The following DLG2 variants were observed in gnomAD, a reference collection of about 807,000 sequenced individuals.
DLG2 encodes the protein disks large homolog 2.
Under a neutral mutation model 132.5 loss-of-function variants are expected in DLG2, and 45 were observed. The observed-to-expected ratio is 0.34, with a 90% confidence interval of 0.27 to 0.44. The LOEUF is 0.44. Among genes scored for constraint, DLG2 ranks in the 20% least tolerant of loss-of-function variants. DLG2 has a pLI of 1.00. For missense variants in DLG2, 1,045 were observed against 1,196.9 expected (o/e 0.87, Z 1.87); for synonymous variants, 424 against 419.6 (o/e 1.01, Z -0.13).
At chr11:84,529,763 T>C (rs2099330743) in intron 7 of DLG2, among the ~76,000 whole-genome samples, 1 of 152,136 alleles carries the variant, frequency 6.6e-6, no homozygotes, top group Non-Finnish European at 1.5e-5. Flanking sequence ...AAACTGCCAA[T>C]GACATTCTTC....
At chr11:84,212,954 G>C (rs978528298) in intron 8 of DLG2, among the ~76,000 whole-genome samples, 1 of 152,160 alleles carries the variant, frequency 6.6e-6, no homozygotes, top group Non-Finnish European at 1.5e-5. Flanking sequence ...CGCGGCGCCC[G>C]GCCTTACTTT....
chr11:84,672,862 G>T (rs888968717), intron 6 of DLG2, among the ~76,000 whole-genome samples: 20 of 152,078 alleles, frequency 1.3e-4, no homozygotes, highest in African/African-American at 4.8e-4. Flanking sequence ...GGGTTCCACA[G>T]GCTATGCAGG....
chr11:85,190,386 G>A (rs184680463), intron 4 of DLG2, among the ~76,000 whole-genome samples: 1 of 151,880 alleles, frequency 6.6e-6, no homozygotes, highest in Non-Finnish European at 1.5e-5. Flanking sequence ...GTTTACAGCA[G>A]TGAACACCTA....
Position 84,353,859 on chromosome 11 carries a change from A to G in DLG2, c.520-102568T>C, listed in dbSNP as rs1009409136. ...TATTTTACCTAACCAACTTCTACTA[A>G]TCATTAACATTCTCACTCAGGTTTA... On this transcript the variant is annotated intron_variant, in intron 7 of 27. Coordinates refer to ENST00000376104, the MANE Select transcript of DLG2 (RefSeq NM_001142699.3). Among the ~76,000 whole-genome samples the G allele has an allele frequency of 6.6e-5, 10 of 152,086 alleles. No individual in the cohort carries two copies. In the East Asian group the frequency reaches 1.9e-3, roughly 29 times the overall value.
intron 15 of DLG2, among the ~76,000 whole-genome samples, chr11:83,913,969 T>C (rs2076493254): frequency 6.6e-6 from 1 of 152,190 alleles, no homozygotes; most frequent in Non-Finnish European, 1.5e-5. Flanking sequence ...ATACTTCAGA[T>C]GAGCAGTGAT....
At chr11:83,494,233 A>G (rs1327624766) in intron 21 of DLG2, among the ~76,000 whole-genome samples, 1 of 151,818 alleles carries the variant, frequency 6.6e-6, no homozygotes, top group Non-Finnish European at 1.5e-5. Context: ...CTAATTATTT[A>G]TAGACTAACC....
At chr11:85,286,391 T>A (rs2078560261) in intron 3 of DLG2, among the ~76,000 whole-genome samples, 1 of 152,060 alleles carries the variant, frequency 6.6e-6, no homozygotes, top group Non-Finnish European at 1.5e-5. Context: ...TGAATACATA[T>A]AAGAATATTT....
intron 19 of DLG2, among the ~76,000 whole-genome samples, chr11:83,589,293 C>T (rs10898143): frequency 0.44 from 65,003 of 147,604 alleles, 14,619 homozygotes; most frequent in Admixed American, 0.55. Flanking sequence ...GCAGATCTCT[C>T]GGCAGAAACC....
At chr11:83,770,001 C>A (rs1232242228) in intron 18 of DLG2, among the ~76,000 whole-genome samples, 2 of 152,162 alleles carry the variant, frequency 1.3e-5, no homozygotes, top group African/African-American at 4.8e-5. Context: ...AAGTTTATTT[C>A]TCTCTTAACA....
chr11:83,731,472 C>A (rs183051207), intron 18 of DLG2, among the ~76,000 whole-genome samples: 9 of 152,286 alleles, frequency 5.9e-5, no homozygotes, highest in African/African-American at 2.2e-4. Context: ...TGATTTCATT[C>A]CTTTTTTATG....
chr11:83,957,176 A>C (rs2087094037), intron 14 of DLG2, among the ~76,000 whole-genome samples: 1 of 152,228 alleles, frequency 6.6e-6, no homozygotes, highest in African/African-American at 2.4e-5. Context: ...TTATTTTCTA[A>C]GTTAAGGGCA....
At chr11:85,594,428 C>G (rs140647437) in intron 3 of DLG2, among the ~76,000 whole-genome samples, 3 of 152,142 alleles carry the variant, frequency 2.0e-5, no homozygotes, top group African/African-American at 4.8e-5. Flanking sequence ...TTTAAAGTAT[C>G]ATTTACCGCT....
chr11:84,097,123 C>G (rs759814459), intron 10 of DLG2, among the ~76,000 whole-genome samples: 2 of 152,160 alleles, frequency 1.3e-5, no homozygotes, highest in African/African-American at 4.8e-5. Flanking sequence ...GCTCCATGCA[C>G]GCTAAAGTCA....
intron 17 of DLG2, among the ~76,000 whole-genome samples, chr11:83,800,416 C>T (rs1025773545): frequency 5.3e-5 from 8 of 152,180 alleles, no homozygotes; most frequent in African/African-American, 1.2e-4. Context: ...CAGCATGTTT[C>T]AGAGTGAGTG....
At chr11:85,004,735 T>C (rs2058503124) in intron 6 of DLG2, among the ~76,000 whole-genome samples, 1 of 152,190 alleles carries the variant, frequency 6.6e-6, no homozygotes, top group Non-Finnish European at 1.5e-5. Context: ...TTTAATTAGA[T>C]CCTATTTGTC....
At chr11:84,975,756 G>C (rs531853149) in intron 6 of DLG2, among the ~76,000 whole-genome samples, 1 of 152,282 alleles carries the variant, frequency 6.6e-6, no homozygotes, top group African/African-American at 2.4e-5. Context: ...AATATACAAA[G>C]TTTCTGGGCT....
chr11:85,203,999 G>A (rs536787950), intron 4 of DLG2, among the ~76,000 whole-genome samples: 5 of 152,136 alleles, frequency 3.3e-5, no homozygotes, highest in African/African-American at 9.6e-5. Flanking sequence ...TTTATGATAA[G>A]AACTTTTAAC....
rs999708624 is a variant in DLG2, at chr11:83,896,496, A to G, written c.1497-22008T>C. Among the ~76,000 whole-genome samples, 18 of 152,028 alleles carry G rather than the reference A, an allele frequency of 1.2e-4. 1 individual carries two copies. In the South Asian group the frequency reaches 1.2e-3, roughly 10 times the overall value. On this transcript the variant is annotated intron_variant, in intron 15 of 27. Coordinates refer to ENST00000376104, the MANE Select transcript of DLG2 (RefSeq NM_001142699.3). ...TTTAAGTTAATTTTGTGAAAGATGG[A>G]CCAGCCATATTTTCTTTTGTGAAAC...
At chr11:83,497,368 C>T (rs1193092034) in intron 21 of DLG2, among the ~76,000 whole-genome samples, 7 of 152,030 alleles carry the variant, frequency 4.6e-5, no homozygotes, top group Non-Finnish European at 2.9e-5. Context: ...TATGGCAAAA[C>T]CCCGAAAAAT....
Sources: gnomAD v4.1 joint callset for allele counts (sites outside exome capture counted in the v4.1 genomes callset) on GRCh38, gnomAD v4.1.1 for gene constraint, MANE v1.5 for transcripts, NCBI Gene and HGNC (gene_info 2026-07-23, HGNC 2026-07-21) for gene names.